Variants in WDR59 observed in about 807,000 individuals in gnomAD.
WDR59 encodes GATOR2 complex protein WDR59.
Under a neutral mutation model 131.2 loss-of-function variants are expected in WDR59, and 100 were observed. That is an observed-to-expected ratio of 0.76 (90% confidence interval 0.65 to 0.90). WDR59 has a LOEUF of 0.90. Ranked by LOEUF, WDR59 falls within the 40% of genes least tolerant of loss-of-function variation. WDR59 has a pLI of 0.00. For synonymous variants in WDR59, 601 were observed against 466.2 expected (o/e 1.29, Z -3.72); for missense variants, 1,203 against 1,262.2 (o/e 0.95, Z 0.71).
chr16:74,922,638 C>T (rs1371285412), intron 9 of WDR59, among the ~76,000 whole-genome samples: 2 of 152,294 alleles, frequency 1.3e-5, no homozygotes, highest in East Asian at 1.9e-4. Flanking sequence ...CTTGGCAAAA[C>T]CCAAACTACT....
chr16:74,888,585 G>A (rs11644822), intron 21 of WDR59, among the ~76,000 whole-genome samples: 42,274 of 152,202 alleles, frequency 0.28, 7,362 homozygotes, highest in Middle Eastern at 0.4. Flanking sequence ...TAACTTTCAG[G>A]CATGGGCTTA....
chr16:74,914,683 T>TC (rs1384472962), intron 13 of WDR59, among the ~76,000 whole-genome samples: 1 of 146,714 alleles, frequency 6.8e-6, no homozygotes, highest in African/African-American at 2.5e-5. Context: ...AAGCTCTGCC[T>TC]CCTGGGTTCA....
At chr16:74,883,508 G>A (rs1329334709) in intron 25 of WDR59, among the ~76,000 whole-genome samples, 1 of 152,162 alleles carries the variant, frequency 6.6e-6, no homozygotes, top group Non-Finnish European at 1.5e-5. Flanking sequence ...ATTACTTCTT[G>A]TACAATTAGG....
intron 21 of WDR59, among the ~76,000 whole-genome samples, chr16:74,889,132 G>A (rs1964918304): frequency 6.6e-6 from 1 of 152,204 alleles, no homozygotes; most frequent in African/African-American, 2.4e-5. Context: ...ACTTCAACTT[G>A]AAGTCAGGAG....
chr16:74,944,690 A>G (rs974300656), intron 6 of WDR59, among the ~76,000 whole-genome samples: 4 of 152,164 alleles, frequency 2.6e-5, no homozygotes, highest in Non-Finnish European at 5.9e-5. Flanking sequence ...ATCAAGGTCC[A>G]CAAGCCTCTC....
At chr16:74,956,407 G>A in intron 3 of WDR59, 68 bp downstream of exon 3, 16 of 1,574,360 alleles carry the variant, frequency 1.0e-5, no homozygotes, top group Non-Finnish European at 1.4e-5. Flanking sequence ...CTCTACACAG[G>A]GCATAGATCT....
At position 74,956,682 on chromosome 16, in the gene WDR59, T is replaced by C. The variant is rs2033309460; in HGVS notation, c.105-72A>G. ...TTAGCATTAAGATAGAAAAGCACAA[T>C]TGGAATTGCATACAATTTGCAAGCA... On this transcript the variant is annotated intron_variant, in intron 2 of 25. Coordinates refer to ENST00000262144, the MANE Select transcript of WDR59 (RefSeq NM_030581.4). The C allele has an allele frequency of 9.6e-6, 15 of 1,555,568 alleles. No individual in the cohort carries two copies. The South Asian group carries it at 1.6e-4, about 16-fold the overall frequency.
rs148763098 is a variant in WDR59 at position 74,887,443 on chromosome 16, T to C, written c.2419+240A>G. 2.7e-3 allele frequency among the ~76,000 whole-genome samples: 413 copies of C among 152,154 alleles called. 1 individual carries two copies. The highest frequency in any genetic ancestry group is 8.5e-3 in the African/African-American group (354 of 41,490). On this transcript the variant is annotated intron_variant, in intron 23 of 25. Coordinates refer to ENST00000262144, the MANE Select transcript of WDR59 (RefSeq NM_030581.4). ...TGGGGGTGAACAGTGGGAAGTCCCA[T>C]TGTCAGTTTCTCAAGGTTAAGAGAT... is the stretch of plus-strand genomic sequence containing the variant.
chr16:74,889,225 A>G lies in WDR59; in HGVS notation c.2195+478T>C, dbSNP rs962055003. Among the ~76,000 whole-genome samples, 10 of 152,288 alleles carry G rather than the reference A, an allele frequency of 6.6e-5. 1 individual carries two copies. ...GGTGTTAAATTATTTTGTATAGTAT[A>G]CCCTAGTTTTCCATATGTCAGTGCA... On this transcript the variant is annotated intron_variant, in intron 21 of 25. Coordinates refer to ENST00000262144, the MANE Select transcript of WDR59 (RefSeq NM_030581.4).
intron 6 of WDR59, among the ~76,000 whole-genome samples, chr16:74,943,851 T>C (rs1338528257): frequency 6.6e-6 from 1 of 152,186 alleles, no homozygotes; most frequent in African/African-American, 2.4e-5. Flanking sequence ...CTTGGTCCTG[T>C]CCAAGGATAT....
Position 74,874,170 on chromosome 16 carries a change from G to A in WDR59, c.*39C>T. On this transcript the variant is annotated 3_prime_UTR_variant, in exon 26 of 26. Transcript: ENST00000262144. ...GACAGCTTGTCACCGGCACTTATGGGTCCTCTGGGATTTCAGACAATACCC... is the reference window on the plus strand; with the variant it reads ...GACAGCTTGTCACCGGCACTTATGGATCCTCTGGGATTTCAGACAATACCC... 3 of 1,551,964 alleles carry A rather than the reference G, an allele frequency of 1.9e-6. No homozygotes were observed. The highest frequency in any genetic ancestry group is 1.4e-5 in the African/African-American group (1 of 73,678).
At chr16:74,904,258 T>C in intron 17 of WDR59, 158 bp from the exon 18 acceptor site, 1 of 807,554 alleles carries the variant, frequency 1.2e-6, no homozygotes, top group East Asian at 2.7e-5. Context: ...TGAAAAATGC[T>C]TTATCTGCAC....
At chr16:74,900,490 G>C (rs1486844851) in intron 18 of WDR59, among the ~76,000 whole-genome samples, 1 of 152,176 alleles carries the variant, frequency 6.6e-6, no homozygotes, top group Non-Finnish European at 1.5e-5. Context: ...ACTAAAGCAA[G>C]AGTGGGAGGT....
At chr16:74,884,918 T>C (rs986450799) in intron 25 of WDR59, among the ~76,000 whole-genome samples, 1 of 152,194 alleles carries the variant, frequency 6.6e-6, no homozygotes, top group African/African-American at 2.4e-5. Flanking sequence ...TCAATTCCTC[T>C]TCTAAGATTC....
At chr16:74,962,884 A>G (rs920827768) in intron 2 of WDR59, 1 of 151,918 alleles carries the variant, frequency 6.6e-6, no homozygotes, top group African/African-American at 2.4e-5. Flanking sequence ...GATTCCTGAA[A>G]GACCTAGAGG....
chr16:74,904,626 C>A (rs1407029966), intron 17 of WDR59, among the ~76,000 whole-genome samples: 1 of 138,878 alleles, frequency 7.2e-6, no homozygotes, highest in Admixed American at 8.0e-5. Context: ...CAACACAATT[C>A]CAATCAAAAT....
intron 18 of WDR59, chr16:74,899,753 A>G (rs1293592385): frequency 3.9e-6 from 5 of 1,289,062 alleles, no homozygotes; most frequent in East Asian, 5.5e-5. Flanking sequence ...GCGAGGAGAC[A>G]TCTGTGCATG....
In WDR59 at chr16:74,873,220, A is replaced by AT. The variant is rs1191229749; in HGVS notation, c.*988dup. ...CCACCGTGCCCGGCCTATTTTTTAA[A>AT]TTTTTTGCAGAGATGGGATCTCCTT... On this transcript the variant is annotated 3_prime_UTR_variant, in exon 26 of 26. Coordinates refer to ENST00000262144, the MANE Select transcript of WDR59 (RefSeq NM_030581.4). 10 of 151,502 alleles carry AT rather than the reference A, an allele frequency of 6.6e-5. No individual in the cohort carries two copies. The highest frequency in any genetic ancestry group is 1.2e-4 in the Non-Finnish European group (8 of 67,908). 9.4% of individuals were successfully genotyped at this position (151,502 alleles called of 1,614,324 possible).
chr16:74,897,257 C>T (rs746434551), intron 18 of WDR59, among the ~76,000 whole-genome samples: 1 of 152,176 alleles, frequency 6.6e-6, no homozygotes, highest in Non-Finnish European at 1.5e-5. Context: ...GGCTTCATAG[C>T]GGGGCAGGCC....
Sources: allele counts gnomAD v4.1 joint callset (sites outside exome capture counted in the v4.1 genomes callset), GRCh38; gene constraint gnomAD v4.1.1; transcripts MANE v1.5; gene names NCBI Gene and HGNC (gene_info 2026-07-23, HGNC 2026-07-21).